Variants in CGN observed in about 807,000 individuals in gnomAD.
CGN encodes cingulin.
CGN carries 121 observed loss-of-function variants against 157.1 expected under a neutral mutation model. That is an observed-to-expected ratio of 0.77 (90% CI 0.66 to 0.90). CGN has a LOEUF of 0.90. CGN is among the 40% of genes least tolerant of loss of function. CGN has a pLI of 0.00. For synonymous variants in CGN, 535 were observed against 607.5 expected (o/e 0.88, Z 1.76); for missense variants, 1,424 against 1,520.9 (o/e 0.94, Z 1.06).
In CGN at chr1:151,535,150, C is replaced by A; in HGVS notation, c.2994+19C>A. ...GGACCAGGTAACCGCCCCCACCCCTCATCTCTGTTTACCCCTGACTGCATC... is the reference window on the plus strand; with the variant it reads ...GGACCAGGTAACCGCCCCCACCCCTAATCTCTGTTTACCCCTGACTGCATC... On this transcript the variant is annotated intron_variant, in intron 16 of 20. Coordinates refer to ENST00000271636, the MANE Select transcript of CGN (RefSeq NM_020770.3). 2 of 1,587,524 alleles carry A rather than the reference C, an allele frequency of 1.3e-6. No individual in the cohort carries two copies. The highest frequency in any genetic ancestry group is 8.6e-7 in the Non-Finnish European group (1 of 1,157,056).
rs1256146178 is a variant in CGN at position 151,511,937 on chromosome 1, G to A, written c.-15+422G>A. Reference sequence around the variant, plus strand: ...CCAGGGGAGGGCATCTGCAGGTGCTGCTCGCCTGAGGGTCTTTCCTGCGTC... The same window carrying A: ...CCAGGGGAGGGCATCTGCAGGTGCTACTCGCCTGAGGGTCTTTCCTGCGTC... On this transcript the variant is annotated intron_variant, in intron 1 of 20. Coordinates refer to ENST00000271636, the MANE Select transcript of CGN (RefSeq NM_020770.3). The surrounding 1 kb of genome is among the most constrained non-coding windows in gnomAD (Gnocchi z 4.8). Among the ~76,000 whole-genome samples, 1 of 152,178 alleles carries A rather than the reference G, an allele frequency of 6.6e-6. No homozygotes were observed. Among genetic ancestry groups the A allele is most frequent in the Admixed American group, 6.5e-5 (1 of 15,278 alleles).
chr1:151,511,460 GCCCGAGCCCGAGCCCGAGCCCGAA>G lies in CGN; in HGVS notation c.-68_-45del. 3 of 187,274 alleles carry G rather than the reference GCCCGAGCCCGAGCCCGAGCCCGAA, an allele frequency of 1.6e-5. No homozygotes were observed. Among genetic ancestry groups the G allele is most frequent in the South Asian group, 1.7e-4 (2 of 12,096 alleles). 11.6% of individuals were successfully genotyped at this position (187,274 alleles called of 1,614,324 possible). On this transcript the variant is annotated 5_prime_UTR_variant, in exon 1 of 21. Transcript: ENST00000271636. This position sits in a 1 kb window ranked among gnomAD's most constrained non-coding sequence, Gnocchi z 4.8. ...TGCCCGAGCCCGAGCCCGAGCCCGA[GCCCGAGCCCGAGCCCGAGCCCGAA>G]CGCAAGCCTGGGAGCGCGGAGCCCG... is the stretch of plus-strand genomic sequence containing the variant.
At chr1:151,530,794 C>G in intron 13 of CGN, 48 bp downstream of exon 13, 10 of 1,544,454 alleles carry the variant, frequency 6.5e-6, no homozygotes, top group Non-Finnish European at 8.8e-6. Flanking sequence ...CCAGCTCATC[C>G]AGAAGCTGGC....
intron 14 of CGN, 53 bp downstream of exon 14, chr1:151,532,625 T>A: frequency 7.5e-7 from 1 of 1,328,446 alleles, no homozygotes; most frequent in Non-Finnish European, 9.7e-7. Flanking sequence ...TTTTTTTTTT[T>A]TTTTTTTTGT....
At chr1:151,527,951 T>TATATATATATATA (rs1491531896) in intron 10 of CGN, 2 of 78,758 alleles carry the variant, frequency 2.5e-5, no homozygotes, top group African/African-American at 5.2e-5. Flanking sequence ...TATATATATA[T>TATATATATATATA]TTTTTTTTTT....
intron 9 of CGN, among the ~76,000 whole-genome samples, chr1:151,526,187 T>C (rs1664676059): frequency 6.6e-6 from 1 of 151,356 alleles, no homozygotes; most frequent in Non-Finnish European, 1.5e-5. Context: ...TCTCCTTTTT[T>C]TTTTTTTTTG....
intron 14 of CGN, 109 bp from the exon 15 acceptor site, chr1:151,533,866 A>G (rs998220211): frequency 1.1e-6 from 1 of 932,136 alleles, no homozygotes; most frequent in South Asian, 1.9e-5. Flanking sequence ...TGGTAATTCT[A>G]AAGAGTGACA....
chr1:151,512,191 A>G (rs935446609), intron 1 of CGN, among the ~76,000 whole-genome samples: 66 of 151,252 alleles, frequency 4.4e-4, no homozygotes, highest in African/African-American at 1.5e-3. Context: ...CTTCCTCTTG[A>G]GAGAGAGAGA....
intron 1 of CGN, among the ~76,000 whole-genome samples, chr1:151,516,029 A>G (rs1056052952): frequency 2.0e-5 from 3 of 152,180 alleles, no homozygotes; most frequent in African/African-American, 7.2e-5. Flanking sequence ...AACAATTCCT[A>G]ATAAAGGGCT....
chr1:151,520,802 C>A, intron 5 of CGN, 111 bp downstream of exon 5: 1 of 851,198 alleles, frequency 1.2e-6, no homozygotes, highest in Non-Finnish European at 1.9e-6. Flanking sequence ...ATGTTTGTGT[C>A]TTATGAGACA....
intron 1 of CGN, among the ~76,000 whole-genome samples, chr1:151,517,361 G>T (rs1664438526): frequency 6.6e-6 from 1 of 152,160 alleles, no homozygotes; most frequent in Non-Finnish European, 1.5e-5. Flanking sequence ...CTTTCCAGAA[G>T]TGGGATGATA....
At chr1:151,523,314 T>A in intron 5 of CGN, 120 bp from the exon 6 acceptor site, 1 of 879,940 alleles carries the variant, frequency 1.1e-6, no homozygotes, top group South Asian at 2.1e-5. Flanking sequence ...CATAAGGTCC[T>A]AAGTATAGTG....
rs1207409211 is a variant in CGN at position 151,527,030 on chromosome 1, A to G, written c.1819A>G (p.Ile607Val). The G allele has an allele frequency of 1.2e-6, 2 of 1,614,052 alleles. No individual in the cohort carries two copies. Among genetic ancestry groups the G allele is most frequent in the Admixed American group, 1.7e-5 (1 of 59,992 alleles). Residue 607 changes from isoleucine (I) to valine (V), a missense_variant, in exon 10 of 21, where the codon ATA becomes GTA. Around this residue, in one of 3 missense-constraint regions of CGN, gnomAD observed 1,187 missense variants for 1,217.6 expected, o/e 0.97. Coordinates refer to ENST00000271636, the MANE Select transcript of CGN (RefSeq NM_020770.3). Reference protein sequence around the residue: ...EEMEEELGEKIEVLQRELEQA... With the variant: ...EEMEEELGEKVEVLQRELEQA... The stretch of plus-strand genomic sequence containing the variant: ...GATGGAAGAGGAGCTTGGAGAGAAG[A>G]TAGAGGTCTTGCAGAGGGAATTAGA...
At chr1:151,525,287 T>C (rs1276300386) in intron 8 of CGN, among the ~76,000 whole-genome samples, 1 of 152,088 alleles carries the variant, frequency 6.6e-6, no homozygotes, top group Admixed American at 6.6e-5. Context: ...TAGTCCTAGC[T>C]ACTTGGGAGG....
chr1:151,529,688 GTTCAAAGAAGC>G (rs1664785152), intron 11 of CGN, 129 bp downstream of exon 11: 1 of 920,544 alleles, frequency 1.1e-6, no homozygotes, highest in Non-Finnish European at 1.6e-6. Context: ...TAGGCATGTG[GTTCAAAGAAGC>G]CAGGATTTGG....
chr1:151,520,634 G>A lies in CGN; in HGVS notation c.1083G>A (p.Gln361=). ...SSGSTKAVAG[Q]GELTRKVEEL... ...GTTCTACTAAGGCCGTGGCAGGGCA[G>A]GGTGAGCTTACCCGAAAAGTGGAGG... The change falls in exon 5 of 21, where the codon CAG becomes CAA. Residue 361 remains glutamine, a synonymous_variant. Transcript: ENST00000271636. The A allele has an allele frequency of 1.2e-6, 2 of 1,614,186 alleles. No homozygotes were observed. Among genetic ancestry groups the A allele is most frequent in the Admixed American group, 1.7e-5 (1 of 60,014 alleles).
Position 151,520,472 on chromosome 1 carries a change from C to CA in CGN, c.1034dup (p.Pro346AlafsTer11). On this transcript the variant is annotated frameshift_variant, in exon 4 of 21. Coordinates refer to ENST00000271636, the MANE Select transcript of CGN (RefSeq NM_020770.3). LOFTEE classifies it high-confidence loss of function. ...GGTTAGTTTGGTGCTGGAGAAGATG[C>CA]AGCCTCTAGTGGTGAGTGGCCTTCT... 6.2e-7 allele frequency: 1 copy of CA among 1,614,040 alleles called. No homozygotes were observed. Among genetic ancestry groups the CA allele is most frequent in the East Asian group, 2.2e-5 (1 of 44,884 alleles).
At chr1:151,525,005 A>G (rs1664639151) in intron 8 of CGN, 119 bp downstream of exon 8, 1 of 792,632 alleles carries the variant, frequency 1.3e-6, no homozygotes, top group Non-Finnish European at 2.1e-6. Flanking sequence ...TCTCCTCCTA[A>G]AGGACACAGT....
At chr1:151,527,934 C>CA in intron 10 of CGN, 1 of 167,668 alleles carries the variant, frequency 6.0e-6, no homozygotes, top group East Asian at 3.1e-4. Flanking sequence ...CATGGCCACA[C>CA]TATATATATA....
Sources: gnomAD v4.1 joint callset for allele counts (sites outside exome capture counted in the v4.1 genomes callset) on GRCh38, gnomAD v4.1.1 for gene constraint, gnomAD v4.1.1 regional missense constraint, Gnocchi (gnomAD v3.1) non-coding constraint, MANE v1.5 for transcripts, NCBI Gene and HGNC (gene_info 2026-07-23, HGNC 2026-07-21) for gene names.